Variants in HCRTR2 observed in about 807,000 individuals in gnomAD.
The protein encoded by HCRTR2 is orexin receptor type 2.
In HCRTR2, 22 loss-of-function variants were observed where a neutral mutation model predicts 49.0. The observed-to-expected ratio is 0.45, with a 90% CI of 0.32 to 0.64. HCRTR2 has a LOEUF of 0.64. Ranked by LOEUF, HCRTR2 falls within the 30% of genes least tolerant of loss-of-function variation. The pLI is 0.04. For missense variants in HCRTR2, 491 were observed against 559.4 expected, an observed-to-expected ratio of 0.88 and a Z score of 1.23; for synonymous variants, 236 against 205.3, an observed-to-expected ratio of 1.15 and a Z score of -1.28.
chr6:55,128,603 A>T (rs1187853419), intron 1 of HCRTR2, among the ~76,000 whole-genome samples: 1 of 152,204 alleles, frequency 6.6e-6, no homozygotes, highest in Non-Finnish European at 1.5e-5. Context: ...TTATCTGAGC[A>T]GTGGCTTATA....
chr6:55,229,303 A>G (rs1751067301), intron 1 of HCRTR2, among the ~76,000 whole-genome samples: 1 of 152,194 alleles, frequency 6.6e-6, no homozygotes, highest in South Asian at 2.1e-4. Flanking sequence ...AGCTGGAACT[A>G]TAGGCATGAA....
rs184587992 is a variant in HCRTR2 at position 55,158,446 on chromosome 6, G to A, written c.-377-15765G>A. Among the ~76,000 whole-genome samples the A allele has an allele frequency of 6.6e-4, 100 of 152,318 alleles. 1 individual carries two copies. The highest frequency in any genetic ancestry group is 2.3e-3 in the African/African-American group (96 of 41,568). ...TACCCCAGTGGTGCCTGGAATGCCA[G>A]TGAGACAGAACCATTCACTCTCCTG... On this transcript the variant is annotated intron_variant, in intron 1 of 7. Transcript: ENST00000615358.
intron 1 of HCRTR2, among the ~76,000 whole-genome samples, chr6:55,162,806 G>A (rs1764824844): frequency 6.6e-6 from 1 of 152,114 alleles, no homozygotes; most frequent in African/African-American, 2.4e-5. Context: ...CCACTGCTAA[G>A]GAAATAAAAG....
intron 1 of HCRTR2, among the ~76,000 whole-genome samples, chr6:55,163,137 T>C (rs558633820): frequency 1.3e-5 from 2 of 151,998 alleles, no homozygotes; most frequent in South Asian, 2.1e-4. Flanking sequence ...TTGGAGAGGC[T>C]GAGGCAGGAG....
intron 1 of HCRTR2, among the ~76,000 whole-genome samples, chr6:55,195,269 A>G (rs909496423): frequency 2.0e-5 from 3 of 152,206 alleles, no homozygotes; most frequent in Admixed American, 1.3e-4. Flanking sequence ...ATAAACTGAA[A>G]GAAGAAAACA....
At chr6:55,157,573 A>G (rs1764747295) in intron 1 of HCRTR2, among the ~76,000 whole-genome samples, 1 of 152,202 alleles carries the variant, frequency 6.6e-6, no homozygotes, top group African/African-American at 2.4e-5. Flanking sequence ...CATGGGCATT[A>G]GGCATGACCC....
intron 1 of HCRTR2, among the ~76,000 whole-genome samples, chr6:55,241,876 T>TTTTTTTTTG (rs1766340193): frequency 7.2e-6 from 1 of 138,354 alleles, no homozygotes; most frequent in African/African-American, 2.9e-5. Flanking sequence ...TTTTTTTTTT[T>TTTTTTTTTG]TTTTTTTTGT....
At chr6:55,249,116 C>T (rs569257382) in intron 2 of HCRTR2, among the ~76,000 whole-genome samples, 7 of 152,050 alleles carry the variant, frequency 4.6e-5, no homozygotes, top group Admixed American at 3.9e-4. Context: ...CAAATTTGAT[C>T]CCAAAAGTTT....
chr6:55,217,749 AC>A (rs1415102783), intron 1 of HCRTR2, among the ~76,000 whole-genome samples: 1 of 152,150 alleles, frequency 6.6e-6, no homozygotes, highest in Non-Finnish European at 1.5e-5. Flanking sequence ...CTGATCCTTC[AC>A]CAGAAGCACC....
chr6:55,270,641 C>T (rs1415292465), intron 4 of HCRTR2, among the ~76,000 whole-genome samples: 3 of 152,094 alleles, frequency 2.0e-5, no homozygotes, highest in Admixed American at 1.3e-4. Context: ...TTGTTTCATG[C>T]CCAAAATTAT....
chr6:55,204,312 G>C lies in HCRTR2; in HGVS notation c.223+29502G>C, dbSNP rs748306778. Among the ~76,000 whole-genome samples, 10 of 152,132 alleles carry C rather than the reference G, an allele frequency of 6.6e-5. 1 individual carries two copies. The highest frequency in any genetic ancestry group is 2.1e-4 in the South Asian group (1 of 4,822). On this transcript the variant is annotated intron_variant, in intron 1 of 6. Coordinates refer to ENST00000370862, the MANE Select transcript of HCRTR2 (RefSeq NM_001384272.1). ...TACCCAGAGGGCACCCTCTGGATTA[G>C]GCTCAAGTTGCTGACAGTAGTATCT...
At chr6:55,241,611 G>C (rs114250002) in intron 1 of HCRTR2, among the ~76,000 whole-genome samples, 1,644 of 152,060 alleles carry the variant, frequency 0.011, 31 homozygotes, top group African/African-American at 0.038. Context: ...ATAATACTTT[G>C]TTTCAAAAAT....
At chr6:55,130,705 C>G (rs1386740453) in intron 1 of HCRTR2, among the ~76,000 whole-genome samples, 1 of 151,846 alleles carries the variant, frequency 6.6e-6, no homozygotes. Context: ...TCTCCAATCT[C>G]TTCCTTGAAG....
At chr6:55,206,542 AT>A (rs76538680) in intron 1 of HCRTR2, among the ~76,000 whole-genome samples, 20,834 of 151,436 alleles carry the variant, frequency 0.14, 1,867 homozygotes, top group East Asian at 0.27. Context: ...AGTTATTTTG[AT>A]TTTTTTTTAT....
At chr6:55,181,015 C>G (rs1339195961) in intron 1 of HCRTR2, among the ~76,000 whole-genome samples, 2 of 149,618 alleles carry the variant, frequency 1.3e-5, no homozygotes, top group African/African-American at 2.5e-5. Context: ...ACCATCTTGG[C>G]TAGGCTGGTC....
At chr6:55,130,387 T>C (rs993095539) in intron 1 of HCRTR2, among the ~76,000 whole-genome samples, 1 of 111,634 alleles carries the variant, frequency 9.0e-6, no homozygotes, top group Admixed American at 8.0e-5. Context: ...TGTTGTTTTG[T>C]TTTTTTTTTC....
chr6:55,111,520 A>G (rs895740033), intron 1 of HCRTR2, among the ~76,000 whole-genome samples: 26 of 152,082 alleles, frequency 1.7e-4, no homozygotes, highest in African/African-American at 5.8e-4. Flanking sequence ...TACTATGAAC[A>G]CCTTTACATG....
downstream of HCRTR2, among the ~76,000 whole-genome samples, chr6:55,282,989 A>G (rs527366244): frequency 2.6e-5 from 4 of 152,306 alleles, no homozygotes; most frequent in South Asian, 6.2e-4. Flanking sequence ...TTCAAAAACT[A>G]TCTTACAAAA....
At chr6:55,282,100 T>G in intron 6 of HCRTR2, 125 bp from the exon 7 acceptor site, 2 of 700,580 alleles carry the variant, frequency 2.9e-6, no homozygotes, top group South Asian at 3.2e-5. Flanking sequence ...ATTTTACCCA[T>G]CTTTGCAAAA....
Sources: allele counts gnomAD v4.1 joint callset (sites outside exome capture counted in the v4.1 genomes callset), GRCh38; gene constraint gnomAD v4.1.1; transcripts MANE v1.5; gene names NCBI Gene and HGNC (gene_info 2026-07-23, HGNC 2026-07-21).